The following CUL5 variants were observed in gnomAD, a reference collection of about 807,000 sequenced individuals.
CUL5 encodes the protein cullin-5.
CUL5 carries 26 observed loss-of-function variants against 108.8 expected under a neutral mutation model. The ratio of observed to expected loss-of-function variants is 0.24; its 90% CI spans 0.18 to 0.33. The LOEUF is 0.33. Ranked by LOEUF, CUL5 falls within the 10% of genes least tolerant of loss-of-function variation. CUL5 has a pLI of 1.00. For synonymous variants in CUL5, 334 were observed against 298.0 expected (o/e 1.12, Z -1.25); for missense variants, 524 against 909.2 (o/e 0.58, Z 5.45).
At chr11:108,049,730 G>A (rs746590831) in intron 3 of CUL5, among the ~76,000 whole-genome samples, 160 bp from the exon 4 acceptor site, 3 of 151,834 alleles carry the variant, frequency 2.0e-5, no homozygotes, top group East Asian at 3.8e-4. Flanking sequence ...GTGAACATTC[G>A]TGTACAAGTT....
intron 2 of CUL5, among the ~76,000 whole-genome samples, chr11:108,038,907 T>G (rs893715760): frequency 2.6e-5 from 4 of 152,142 alleles, no homozygotes; most frequent in African/African-American, 9.7e-5. Context: ...TTTCCCCCCT[T>G]TTCTCCTAAT....
rs1864823711 is a variant in CUL5, at chr11:108,107,176, G to GT, written c.*2793dup. On this transcript the variant is annotated 3_prime_UTR_variant, in exon 19 of 19. Coordinates refer to ENST00000393094, the MANE Select transcript of CUL5 (RefSeq NM_003478.6). The stretch of plus-strand genomic sequence containing the variant: ...GAGTTCTGTCAACTTTTTTATTTAA[G>GT]TCTCTTGCTCTTATTTTGTGCATAA... The GT allele has an allele frequency of 6.6e-6, 1 of 151,548 alleles. No individual in the cohort carries two copies. Among genetic ancestry groups the GT allele is most frequent in the African/African-American group, 2.4e-5 (1 of 41,224 alleles). The allele number at this position is 151,548 out of a possible 1,614,324, so 9.4% of individuals were successfully genotyped here.
chr11:108,061,457 C>T (rs1456281281), intron 7 of CUL5, among the ~76,000 whole-genome samples: 1 of 152,040 alleles, frequency 6.6e-6, no homozygotes, highest in Non-Finnish European at 1.5e-5. Context: ...TTGTTCTCTT[C>T]ATTTTTTAAA....
intron 11 of CUL5, among the ~76,000 whole-genome samples, chr11:108,085,425 A>AG (rs1288606949): frequency 1.3e-5 from 2 of 151,174 alleles, no homozygotes; most frequent in East Asian, 2.0e-4. Context: ...GGGATGGGGA[A>AG]GGGGGGGATG....
In CUL5 at chr11:108,054,616, T is replaced by C. The variant is rs1032749848; in HGVS notation, c.554-31T>C. The stretch of plus-strand genomic sequence containing the variant: ...CTCAAAATACTGATTTTGATCATAA[T>C]TGGAGTAATACTTTATTTTCTGTTT... On this transcript the variant is annotated intron_variant, in intron 5 of 18. Coordinates refer to ENST00000393094, the MANE Select transcript of CUL5 (RefSeq NM_003478.6). The C allele has an allele frequency of 3.5e-6, 5 of 1,423,364 alleles. No individual in the cohort carries two copies. In the East Asian group the frequency reaches 9.2e-5, roughly 26 times the overall value. 88.2% of individuals were successfully genotyped at this position (1,423,364 alleles called of 1,614,324 possible). A position where few individuals can be genotyped will look rare whatever the true frequency, so the allele number is the denominator to read the frequency against.
intron 2 of CUL5, among the ~76,000 whole-genome samples, chr11:108,034,793 C>G (rs188323431): frequency 6.6e-6 from 1 of 152,314 alleles, no homozygotes; most frequent in East Asian, 1.9e-4. Flanking sequence ...TCTTCTCAAT[C>G]ATCCAGACCT....
In CUL5 at chr11:108,089,614, G is replaced by A. The variant is rs562278627; in HGVS notation, c.1434G>A (p.Glu478=). 6.6e-7 allele frequency: 1 copy of A among 1,509,564 alleles called. No homozygotes were observed. The highest frequency in any genetic ancestry group is 1.4e-5 in the South Asian group (1 of 74,034). 93.5% of individuals were successfully genotyped at this position (1,509,564 alleles called of 1,614,324 possible). A position where few individuals can be genotyped will look rare whatever the true frequency, so the allele number is the denominator to read the frequency against. The change falls in exon 13 of 19, where the codon GAG becomes GAA. Residue 478 remains glutamate, a synonymous_variant. Transcript: ENST00000393094. The stretch of plus-strand genomic sequence containing the variant: ...GTGAAATTGAAGAAAACATGGTAGA[G>A]TGGCTAAGAGTAAGTAAATTTTTTT... ...ADSEIEENMV[E]WLREVGMPAD...
intron 13 of CUL5, among the ~76,000 whole-genome samples, chr11:108,091,556 G>A (rs1864359796): frequency 6.6e-6 from 1 of 151,824 alleles, no homozygotes; most frequent in Admixed American, 6.6e-5. Flanking sequence ...TGGGTGTGAT[G>A]GCATGCACCT....
chr11:108,107,098 CT>C lies in CUL5; in HGVS notation c.*2716del, dbSNP rs1053799940. The C allele has an allele frequency of 6.6e-6, 1 of 151,590 alleles. No individual in the cohort carries two copies. Among genetic ancestry groups the C allele is most frequent in the Non-Finnish European group, 1.5e-5 (1 of 67,894 alleles). 9.4% of individuals were successfully genotyped at this position (151,590 alleles called of 1,614,324 possible). On this transcript the variant is annotated 3_prime_UTR_variant, in exon 19 of 19. Coordinates refer to ENST00000393094, the MANE Select transcript of CUL5 (RefSeq NM_003478.6). ...ACTATTCCAATGATTAAATGAGGAT[CT>C]TGAAATAAATTCTGAAGTCTTCCAA...
chr11:108,045,508 A>C (rs1219978831), intron 2 of CUL5, among the ~76,000 whole-genome samples: 1 of 152,102 alleles, frequency 6.6e-6, no homozygotes, highest in Non-Finnish European at 1.5e-5. Flanking sequence ...TCCCTTGAGC[A>C]CAGGAGTTTG....
chr11:108,089,716 CAAA>C (rs1864305137), intron 13 of CUL5, 93 bp downstream of exon 13: 5 of 711,328 alleles, frequency 7.0e-6, no homozygotes, highest in African/African-American at 1.9e-5. Flanking sequence ...TTGTTAATGT[CAAA>C]GAAGTAGGAA....
At chr11:108,041,893 C>CA (rs1389281199) in intron 2 of CUL5, among the ~76,000 whole-genome samples, 19 of 152,090 alleles carry the variant, frequency 1.2e-4, no homozygotes, top group Middle Eastern at 3.4e-3. Context: ...CACCAGGCCC[C>CA]ATCAGCTTCT....
intron 1 of CUL5, among the ~76,000 whole-genome samples, chr11:108,026,395 C>T (rs1862452019): frequency 6.6e-6 from 1 of 152,104 alleles, no homozygotes; most frequent in Non-Finnish European, 1.5e-5. Flanking sequence ...TCTAACATTT[C>T]CTCCCCGATC....
intron 5 of CUL5, among the ~76,000 whole-genome samples, chr11:108,053,786 C>T (rs1022335429): frequency 2.6e-5 from 4 of 151,524 alleles, no homozygotes; most frequent in Non-Finnish European, 5.9e-5. Flanking sequence ...TTAAGCAGTC[C>T]TCCTATCTCA....
In CUL5 at chr11:108,088,608, A is replaced by G. The variant is rs577249384; in HGVS notation, c.1260A>G (p.Pro420=). ...NYCDMLLRKT[P]LSKKLTSEEI... The stretch of plus-strand genomic sequence containing the variant: ...GTGACATGTTGCTAAGAAAAACACC[A>G]TTAAGCAAAAAACTAACCTCTGAAG... The change falls in exon 12 of 19, where the codon CCA becomes CCG. Residue 420 remains proline, a synonymous_variant. Coordinates refer to ENST00000393094, the MANE Select transcript of CUL5 (RefSeq NM_003478.6). 4 of 1,612,898 alleles carry G rather than the reference A, an allele frequency of 2.5e-6. No individual in the cohort carries two copies. The South Asian group carries it at 4.4e-5, about 18-fold the overall frequency.
intron 13 of CUL5, among the ~76,000 whole-genome samples, chr11:108,091,041 TTTC>T (rs1305452165): frequency 4.6e-5 from 7 of 151,950 alleles, no homozygotes; most frequent in South Asian, 4.1e-4. Flanking sequence ...TTAAATTTTC[TTTC>T]TTTCTTTCTT....
chr11:108,021,769 A>G (rs1591275775), intron 1 of CUL5, among the ~76,000 whole-genome samples: 1 of 150,030 alleles, frequency 6.7e-6, no homozygotes, highest in African/African-American at 2.5e-5. Context: ...TCCTGCCTTG[A>G]CCTCCCACAG....
intron 1 of CUL5, among the ~76,000 whole-genome samples, chr11:108,021,014 A>G (rs959280118): frequency 3.9e-5 from 6 of 152,182 alleles, no homozygotes; most frequent in African/African-American, 1.4e-4. Flanking sequence ...TAGATACACA[A>G]ATTCTTACCA....
intron 7 of CUL5, among the ~76,000 whole-genome samples, chr11:108,064,426 G>A (rs529294508): frequency 6.6e-6 from 1 of 152,164 alleles, no homozygotes; most frequent in Admixed American, 6.5e-5. Context: ...TGGTTTGCTA[G>A]TCTGGGCTCA....
Sources: gnomAD v4.1 joint callset for allele counts (sites outside exome capture counted in the v4.1 genomes callset) on GRCh38, gnomAD v4.1.1 for gene constraint, MANE v1.5 for transcripts, NCBI Gene and HGNC (gene_info 2026-07-23, HGNC 2026-07-21) for gene names.